Variants in FMN2 observed in about 807,000 individuals in gnomAD.
FMN2 encodes formin 2.
A neutral mutation model predicts 142.3 loss-of-function variants in FMN2; 51 were observed. That is an observed-to-expected ratio of 0.36 (90% CI 0.29 to 0.45). The LOEUF (loss-of-function observed/expected upper bound fraction) is 0.45, where lower values mean the gene tolerates loss of function less well. FMN2 is among the 20% of genes least tolerant of loss of function. The probability of loss-of-function intolerance (pLI) is 1.00; values close to 1 mark genes in which losing one functional copy is unlikely to be tolerated. For missense variants in FMN2, 1,936 were observed against 2,122.8 expected (o/e 0.91, Z 1.73); for synonymous variants, 882 against 869.8 (o/e 1.01, Z -0.25).
At chr1:240,137,563 A>G (rs1010125607) in intron 2 of FMN2, among the ~76,000 whole-genome samples, 5 of 152,184 alleles carry the variant, frequency 3.3e-5, no homozygotes. Context: ...TCTGTCTCTT[A>G]CCATGTGTGC....
At chr1:240,144,596 C>A in intron 2 of FMN2, 1 of 1,334,488 alleles carries the variant, frequency 7.5e-7, no homozygotes, top group Non-Finnish European at 1.1e-6. Context: ...TTTAGGAAAG[C>A]GGCTAAACTT....
At chr1:240,166,888 G>A (rs993879831) in intron 2 of FMN2, among the ~76,000 whole-genome samples, 4 of 152,180 alleles carry the variant, frequency 2.6e-5, no homozygotes, top group Non-Finnish European at 5.9e-5. Context: ...TTGGGAGGCC[G>A]AGGCAGGCGG....
chr1:240,274,328 A>T (rs564617641), intron 7 of FMN2, among the ~76,000 whole-genome samples: 26 of 152,182 alleles, frequency 1.7e-4, no homozygotes, highest in African/African-American at 5.5e-4. Flanking sequence ...CCATGACAGA[A>T]GGAACCTTGT....
chr1:240,365,964 C>G (rs1672655313), intron 14 of FMN2, among the ~76,000 whole-genome samples: 1 of 151,986 alleles, frequency 6.6e-6, no homozygotes, highest in African/African-American at 2.4e-5. Context: ...TACCAAAAAT[C>G]CCATAAAGAT....
intron 7 of FMN2, among the ~76,000 whole-genome samples, chr1:240,283,999 C>G (rs1558411182): frequency 6.6e-6 from 1 of 152,172 alleles, no homozygotes; most frequent in East Asian, 1.9e-4. Flanking sequence ...CTTCGTCTGG[C>G]CTGGAATGTG....
Position 240,273,204 on chromosome 1 carries a change from G to T in FMN2, c.4153+15172G>T, listed in dbSNP as rs150113072. On this transcript the variant is annotated intron_variant, in intron 7 of 17. Coordinates refer to ENST00000319653, the MANE Select transcript of FMN2 (RefSeq NM_020066.5). ...TGAAATAGATTGTCTGCAAGATTCCGATTAATGCTATTTTTATGGTTCCAA... is the reference window on the plus strand; with the variant it reads ...TGAAATAGATTGTCTGCAAGATTCCTATTAATGCTATTTTTATGGTTCCAA... Among the ~76,000 whole-genome samples the T allele has an allele frequency of 1.1e-4, 17 of 152,224 alleles. No individual in the cohort carries two copies. The East Asian group carries it at 3.1e-3, about 28-fold the overall frequency.
chr1:240,336,996 A>G (rs1438887817), intron 13 of FMN2, among the ~76,000 whole-genome samples: 1 of 152,106 alleles, frequency 6.6e-6, no homozygotes, highest in Admixed American at 6.6e-5. Flanking sequence ...AAAAAAAGAT[A>G]TACCCAAATG....
chr1:240,185,435 CA>C (rs1418763476), intron 3 of FMN2, among the ~76,000 whole-genome samples: 1 of 152,110 alleles, frequency 6.6e-6, no homozygotes, highest in Non-Finnish European at 1.5e-5. Context: ...CACACAGATT[CA>C]AACAAATAAA....
At position 240,173,893 on chromosome 1, in the gene FMN2, A is replaced by G. The variant is rs141235141; in HGVS notation, c.1783-4028A>G. 2.0e-3 allele frequency among the ~76,000 whole-genome samples: 297 copies of G among 152,026 alleles called. 3 individuals are homozygous for G. Among genetic ancestry groups the G allele is most frequent in the Non-Finnish European group, 3.0e-3 (201 of 67,970 alleles). On this transcript the variant is annotated intron_variant, in intron 2 of 17. Coordinates refer to ENST00000319653, the MANE Select transcript of FMN2 (RefSeq NM_020066.5). The stretch of plus-strand genomic sequence containing the variant: ...GCTTTGTATTTTGGTGAATGATGAA[A>G]CTCAGTGAGATAGTTTATCCCCTTG...
Position 240,093,085 on chromosome 1 carries a change from C to T in FMN2, c.976C>T (p.Pro326Ser). The change falls in exon 1 of 18, where the codon CCC becomes TCC. Residue 326 changes from proline to serine, a missense_variant. Transcript: ENST00000319653. The stretch of plus-strand genomic sequence containing the variant: ...GCCCTCCTCCACGGCTTTCCCATTT[C>T]CCGAGGCCGGGCCGGGGGAGGAAGC... ...DSPSSTAFPFPEAGPGEEAAG... is the reference protein window; with the variant it reads ...DSPSSTAFPFSEAGPGEEAAG... The T allele has an allele frequency of 7.2e-7, 1 of 1,396,100 alleles. No individual in the cohort carries two copies. The highest frequency in any genetic ancestry group is 1.5e-5 in the African/African-American group (1 of 65,606). The allele number at this position is 1,396,100 out of a possible 1,614,324, so 86.5% of individuals were successfully genotyped here.
intron 2 of FMN2, among the ~76,000 whole-genome samples, chr1:240,160,000 T>TAC (rs1558328804): frequency 2.6e-5 from 3 of 116,218 alleles, no homozygotes; most frequent in African/African-American, 1.1e-4. Context: ...CACACACACA[T>TAC]ACACACATAT....
intron 11 of FMN2, among the ~76,000 whole-genome samples, chr1:240,333,497 A>G (rs1473982666): frequency 6.6e-6 from 1 of 152,220 alleles, no homozygotes; most frequent in Non-Finnish European, 1.5e-5. Context: ...CTGTTAGTCC[A>G]GCTATATATC....
Position 240,207,378 on chromosome 1 carries a change from C to T in FMN2, c.2566C>T (p.Pro856Ser). Residue 856 changes from proline to serine, a missense_variant, in exon 5 of 18, where the codon CCA becomes TCA. Transcript: ENST00000319653. The stretch of plus-strand genomic sequence containing the variant: ...TGCCTTTAAAAACAGCTGTAACATC[C>T]CATCTCCACCACCTCTGCCTTGCAC... ...SSAFKNSCNI[P>S]SPPPLPCTES... 1.9e-6 allele frequency: 3 copies of T among 1,613,812 alleles called. No homozygotes were observed. The highest frequency in any genetic ancestry group is 2.5e-6 in the Non-Finnish European group (3 of 1,179,866).
intron 14 of FMN2, among the ~76,000 whole-genome samples, chr1:240,379,634 G>A (rs1572248590): frequency 6.6e-6 from 1 of 152,132 alleles, no homozygotes; most frequent in African/African-American, 2.4e-5. Flanking sequence ...ACACAGATCA[G>A]ACTCCTATAC....
chr1:240,093,490 T>A lies in FMN2; in HGVS notation c.1381T>A (p.Ser461Thr). 7 of 1,599,264 alleles carry A rather than the reference T, an allele frequency of 4.4e-6. No homozygotes were observed. Among genetic ancestry groups the A allele is most frequent in the Non-Finnish European group, 6.0e-6 (7 of 1,174,418 alleles). ...CCGAGGGTCCAGAACTGCCCTGGCC[T>A]CCGTAGCCGCCCCGGCCAAGAAGCA... ...LSRGSRTALA[S>T]VAAPAKKHRA... Residue 461 changes from serine to threonine, a missense_variant, in exon 1 of 18, where the codon TCC becomes ACC. This residue lies in a region of FMN2 where 751 missense variants were observed against 791.8 expected (regional missense o/e 0.95). Transcript: ENST00000319653.
intron 13 of FMN2, among the ~76,000 whole-genome samples, chr1:240,350,911 C>T (rs1672075697): frequency 6.6e-6 from 1 of 152,080 alleles, no homozygotes. Context: ...AGACATTTTG[C>T]AGATAAACAA....
At chr1:240,169,726 C>T (rs924006038) in intron 2 of FMN2, among the ~76,000 whole-genome samples, 2 of 152,082 alleles carry the variant, frequency 1.3e-5, no homozygotes, top group Non-Finnish European at 2.9e-5. Context: ...ACTCCTGCCT[C>T]GGCCTTCTGA....
intron 13 of FMN2, among the ~76,000 whole-genome samples, chr1:240,340,112 T>C (rs973081403): frequency 6.6e-6 from 1 of 152,170 alleles, no homozygotes; most frequent in African/African-American, 2.4e-5. Flanking sequence ...TTTTCAGTTT[T>C]TTTCCAGACT....
rs537431696 is a variant in FMN2 at position 240,328,928 on chromosome 1, G to A, written c.4216-148G>A. 8 of 711,780 alleles carry A rather than the reference G, an allele frequency of 1.1e-5. No homozygotes were observed. The South Asian group carries it at 1.4e-4, about 12-fold the overall frequency. The allele number at this position is 711,780 out of a possible 1,614,324, so 44.1% of individuals were successfully genotyped here. ...TAAAATGCCTCATGAATTAAGTCAA[G>A]CTTTACTATATACAGATGCTAAGAA... On this transcript the variant is annotated intron_variant, in intron 8 of 17. Transcript: ENST00000319653.
Sources: allele counts gnomAD v4.1 joint callset (sites outside exome capture counted in the v4.1 genomes callset), GRCh38; gene constraint gnomAD v4.1.1; regional missense constraint gnomAD v4.1.1; transcripts MANE v1.5; gene names NCBI Gene and HGNC (gene_info 2026-07-23, HGNC 2026-07-21).